TLE1: variants seen among roughly 807,000 people sequenced by gnomAD.
TLE1 encodes TLE family member 1, transcriptional corepressor.
A neutral mutation model predicts 89.8 loss-of-function variants in TLE1; 21 were observed. The observed-to-expected ratio is 0.23, with a 90% CI of 0.17 to 0.34. TLE1 has a LOEUF of 0.34. Among genes scored for constraint, TLE1 ranks in the 10% least tolerant of loss-of-function variants. The pLI is 1.00. For missense variants in TLE1, 795 were observed against 1,031.2 expected (o/e 0.77, Z 3.14); for synonymous variants, 447 against 407.6 (o/e 1.10, Z -1.16).
chr9:81,600,801 G>A (rs1262576501), intron 14 of TLE1, among the ~76,000 whole-genome samples: 1 of 152,118 alleles, frequency 6.6e-6, no homozygotes, highest in Non-Finnish European at 1.5e-5. Flanking sequence ...GAGTAAAGAA[G>A]GTCCCCCACC....
At chr9:81,683,991 C>T (rs1198350590) in intron 4 of TLE1, among the ~76,000 whole-genome samples, 1 of 152,084 alleles carries the variant, frequency 6.6e-6, no homozygotes, top group Non-Finnish European at 1.5e-5. Flanking sequence ...ATAAACCCAG[C>T]ACCAGCATAT....
chr9:81,615,628 G>A lies in TLE1; in HGVS notation c.918+354C>T, dbSNP rs113706945. On this transcript the variant is annotated intron_variant, in intron 11 of 19. Transcript: ENST00000376499. ...CTCAGGGGGCAGAGGCAGGAGAATC[G>A]CTTGAACCCAGGAGGCAGAGGCTGC... 1.9e-3 allele frequency among the ~76,000 whole-genome samples: 284 copies of A among 150,050 alleles called. 2 individuals are homozygous for A. Among genetic ancestry groups the A allele is most frequent in the African/African-American group, 6.6e-3 (267 of 40,710 alleles).
intron 4 of TLE1, among the ~76,000 whole-genome samples, chr9:81,661,237 T>G (rs1830763761): frequency 6.7e-6 from 1 of 149,640 alleles, no homozygotes; most frequent in African/African-American, 2.4e-5. Context: ...TTTCAAGATA[T>G]GGTCTTCTGA....
At chr9:81,662,271 T>C (rs1490169247) in intron 4 of TLE1, among the ~76,000 whole-genome samples, 1 of 151,992 alleles carries the variant, frequency 6.6e-6, no homozygotes, top group Non-Finnish European at 1.5e-5. Flanking sequence ...CAAGTAGCCA[T>C]TAAAGTCATA....
At chr9:81,653,838 G>C in intron 5 of TLE1, 136 bp downstream of exon 5, 1 of 707,682 alleles carries the variant, frequency 1.4e-6, no homozygotes, top group East Asian at 2.7e-5. Flanking sequence ...AGACTAGCAG[G>C]GGGTTTACAC....
chr9:81,659,371 C>T (rs561175964), intron 4 of TLE1, among the ~76,000 whole-genome samples: 2 of 152,096 alleles, frequency 1.3e-5, no homozygotes, highest in Non-Finnish European at 2.9e-5. Context: ...ATTTTCCTAC[C>T]CAATGATGAA....
intron 6 of TLE1, among the ~76,000 whole-genome samples, chr9:81,640,807 T>C (rs1326856011): frequency 6.6e-6 from 1 of 152,224 alleles, no homozygotes; most frequent in Non-Finnish European, 1.5e-5. Flanking sequence ...CTTATCACCA[T>C]GTTGTTGTAG....
intron 1 of TLE1, 22 bp from the exon 2 acceptor site, chr9:81,687,456 G>C: frequency 6.3e-7 from 1 of 1,584,838 alleles, no homozygotes; most frequent in Non-Finnish European, 8.6e-7. Flanking sequence ...CAGCGAGGGG[G>C]ACCGAGGGAC....
intron 14 of TLE1, chr9:81,600,225 A>C: frequency 1.6e-6 from 1 of 641,154 alleles, no homozygotes. Context: ...CCAGCAAAGG[A>C]ACTATCACTA....
intron 4 of TLE1, among the ~76,000 whole-genome samples, chr9:81,662,365 G>A (rs886663645): frequency 8.3e-5 from 5 of 60,204 alleles, no homozygotes; most frequent in Admixed American, 4.1e-4. Context: ...CCTGTTTTGT[G>A]TGTGTGTGTG....
chr9:81,591,902 T>C (rs1351551766), intron 15 of TLE1, among the ~76,000 whole-genome samples: 1 of 152,218 alleles, frequency 6.6e-6, no homozygotes, highest in Non-Finnish European at 1.5e-5. Flanking sequence ...AAACACCTTC[T>C]CTGGAATCCT....
chr9:81,619,773 T>A (rs1407726318), intron 9 of TLE1, among the ~76,000 whole-genome samples: 1 of 152,232 alleles, frequency 6.6e-6, no homozygotes, highest in Admixed American at 6.5e-5. Flanking sequence ...TGGTTTGGTT[T>A]CCTTTTGAAT....
At chr9:81,630,738 T>G (rs1168220427) in intron 8 of TLE1, among the ~76,000 whole-genome samples, 1 of 152,228 alleles carries the variant, frequency 6.6e-6, no homozygotes, top group Non-Finnish European at 1.5e-5. Context: ...GACTTTCTAA[T>G]TCAAACCACT....
chr9:81,656,929 A>C (rs1055254910), intron 4 of TLE1, among the ~76,000 whole-genome samples: 4 of 152,236 alleles, frequency 2.6e-5, no homozygotes, highest in African/African-American at 7.2e-5. Context: ...GCATGCTGCC[A>C]AACTGCCCAG....
intron 9 of TLE1, among the ~76,000 whole-genome samples, chr9:81,619,108 A>C (rs1372566020): frequency 6.6e-6 from 1 of 152,212 alleles, no homozygotes; most frequent in African/African-American, 2.4e-5. Flanking sequence ...TACATCAGCA[A>C]ATCTCTGCAT....
In TLE1 at chr9:81,688,496, T is replaced by C. The variant is rs1343922983; in HGVS notation, c.-256A>G. 2.5e-6 allele frequency: 1 copy of C among 393,102 alleles called. No homozygotes were observed. Among genetic ancestry groups the C allele is most frequent in the Admixed American group, 4.7e-5 (1 of 21,234 alleles). The allele number at this position is 393,102 out of a possible 1,614,324, so 24.4% of individuals were successfully genotyped here. Reference sequence around the variant, plus strand: ...CCCAGGCCCAGCTGCTTCAAGAACCTGCGCGGAGACGTCGGGCGCTCGGGG... The same window carrying C: ...CCCAGGCCCAGCTGCTTCAAGAACCCGCGCGGAGACGTCGGGCGCTCGGGG... On this transcript the variant is annotated 5_prime_UTR_variant, in exon 1 of 20. Transcript: ENST00000376499.
At chr9:81,679,502 G>A (rs896069444) in intron 4 of TLE1, among the ~76,000 whole-genome samples, 20 of 151,562 alleles carry the variant, frequency 1.3e-4, no homozygotes, top group South Asian at 6.3e-4. Flanking sequence ...CACACCTCAC[G>A]GGGAAAAAAA....
intron 16 of TLE1, among the ~76,000 whole-genome samples, chr9:81,588,763 A>G (rs1829008907): frequency 1.3e-5 from 2 of 152,124 alleles, no homozygotes; most frequent in South Asian, 4.1e-4. Context: ...AAAGGCGAGC[A>G]AAGTCTAGAC....
chr9:81,651,092 G>A (rs900398325), intron 6 of TLE1, among the ~76,000 whole-genome samples: 3 of 152,092 alleles, frequency 2.0e-5, no homozygotes, highest in Admixed American at 2.0e-4. Context: ...GGCCGTCATT[G>A]GACTATGGCA....
Sources: gnomAD v4.1 joint callset for allele counts (sites outside exome capture counted in the v4.1 genomes callset) on GRCh38, gnomAD v4.1.1 for gene constraint, MANE v1.5 for transcripts, NCBI Gene and HGNC (gene_info 2026-07-23, HGNC 2026-07-21) for gene names.